The following PCDHAC1 variants were observed in gnomAD, a reference collection of about 807,000 sequenced individuals.
The protein encoded by PCDHAC1 is protocadherin alpha-C1.
A neutral mutation model predicts 60.0 loss-of-function variants in PCDHAC1; 42 were observed. That is an observed-to-expected ratio of 0.70 (90% CI 0.55 to 0.90). The LOEUF (loss-of-function observed/expected upper bound fraction) is 0.90. Among genes scored for constraint, PCDHAC1 ranks in the 40% least tolerant of loss-of-function variants. The pLI is 0.00. For synonymous variants in PCDHAC1, 468 were observed against 499.3 expected (o/e 0.94, Z 0.84); for missense variants, 1,160 against 1,222.3 (o/e 0.95, Z 0.76).
At chr5:140,980,494 A>T (rs868915196) in intron 2 of PCDHAC1, among the ~76,000 whole-genome samples, 1 of 152,106 alleles carries the variant, frequency 6.6e-6, no homozygotes, top group African/African-American at 2.4e-5. Context: ...GCTGGGCGTG[A>T]TGGCATGTGC....
chr5:140,996,262 C>G (rs943119390), intron 3 of PCDHAC1, among the ~76,000 whole-genome samples: 1 of 152,182 alleles, frequency 6.6e-6, no homozygotes. Flanking sequence ...CAACACAGAG[C>G]CTGGGATTGC....
intron 1 of PCDHAC1, among the ~76,000 whole-genome samples, chr5:140,942,439 A>C (rs1554214983): frequency 6.6e-6 from 1 of 152,200 alleles, no homozygotes; most frequent in Non-Finnish European, 1.5e-5. Context: ...AACAATAAAC[A>C]AGTAAACTAT....
chr5:140,968,081 G>A, intron 1 of PCDHAC1: 2 of 1,614,120 alleles, frequency 1.2e-6, no homozygotes, highest in Non-Finnish European at 1.7e-6. Context: ...CAACATCACG[G>A]TGACAGCCAC....
chr5:140,933,762 T>C (rs2089409260), intron 1 of PCDHAC1, among the ~76,000 whole-genome samples: 1 of 152,128 alleles, frequency 6.6e-6, no homozygotes, highest in African/African-American at 2.4e-5. Flanking sequence ...AGTGAAGCTC[T>C]CTGTACCTAC....
At position 141,010,091 on chromosome 5, in the gene PCDHAC1, A is replaced by G; in HGVS notation, c.*154A>G. The G allele has an allele frequency of 6.2e-7, 1 of 1,612,860 alleles. No individual in the cohort carries two copies. The highest frequency in any genetic ancestry group is 8.5e-7 in the Non-Finnish European group (1 of 1,179,382). ...AGTTCCCTGTGTCTGTCTAGAACGCATTTAACAGGTTTTGTCGTAAAAGCT... is the reference window on the plus strand; with the variant it reads ...AGTTCCCTGTGTCTGTCTAGAACGCGTTTAACAGGTTTTGTCGTAAAAGCT... On this transcript the variant is annotated 3_prime_UTR_variant, in exon 4 of 4. Coordinates refer to ENST00000253807, the MANE Select transcript of PCDHAC1 (RefSeq NM_018898.5).
At chr5:140,976,697 T>C (rs2096727777) in intron 1 of PCDHAC1, among the ~76,000 whole-genome samples, 1 of 152,224 alleles carries the variant, frequency 6.6e-6, no homozygotes, top group Non-Finnish European at 1.5e-5. Context: ...AGTACAATAA[T>C]GTTGACTTTG....
intron 3 of PCDHAC1, among the ~76,000 whole-genome samples, chr5:140,997,260 T>G (rs1364203100): frequency 6.6e-6 from 1 of 152,196 alleles, no homozygotes; most frequent in Admixed American, 6.5e-5. Flanking sequence ...GGTTCACTCT[T>G]CCAAATATTT....
intron 3 of PCDHAC1, among the ~76,000 whole-genome samples, chr5:140,999,519 G>A (rs1303009823): frequency 6.6e-6 from 1 of 152,074 alleles, no homozygotes; most frequent in Non-Finnish European, 1.5e-5. Context: ...TAAGCATTTT[G>A]TTACCCCCTG....
intron 1 of PCDHAC1, among the ~76,000 whole-genome samples, chr5:140,976,370 G>A (rs1392898202): frequency 6.6e-6 from 1 of 152,018 alleles, no homozygotes; most frequent in Non-Finnish European, 1.5e-5. Context: ...GGCCAACATG[G>A]TGAAACCCCA....
chr5:140,928,999 G>C lies in PCDHAC1; in HGVS notation c.2107G>C (p.Val703Leu). Residue 703 changes from valine (V) to leucine (L), a missense_variant, in exon 1 of 4, where the codon GTG becomes CTG. This residue lies in a region of PCDHAC1 where 1,113 missense variants were observed against 1,163.7 expected (regional missense o/e 0.96). Coordinates refer to ENST00000253807, the MANE Select transcript of PCDHAC1 (RefSeq NM_018898.5). ...FLFLGCLLFFVCTKLHQSPGC... is the reference protein window; with the variant it reads ...FLFLGCLLFFLCTKLHQSPGC... ...ATTTCTGGGGTGCTTACTTTTCTTC[G>C]TGTGTACCAAGTTGCACCAGAGCCC... 2 of 1,613,936 alleles carry C rather than the reference G, an allele frequency of 1.2e-6. No individual in the cohort carries two copies. The highest frequency in any genetic ancestry group is 1.7e-6 in the Non-Finnish European group (2 of 1,179,968).
rs1285443769 is a variant in PCDHAC1, at chr5:141,010,273, G to A, written c.*336G>A. 3.9e-6 allele frequency: 6 copies of A among 1,551,420 alleles called. No individual in the cohort carries two copies. The African/African-American group carries it at 8.2e-5, about 21-fold the overall frequency. Reference sequence around the variant, plus strand: ...CTCTGCCCTGTGCTCCGGGGATCCTGTCTTGATGACACTTGCAGGGCAGGC... The same window carrying A: ...CTCTGCCCTGTGCTCCGGGGATCCTATCTTGATGACACTTGCAGGGCAGGC... On this transcript the variant is annotated 3_prime_UTR_variant, in exon 4 of 4. Coordinates refer to ENST00000253807, the MANE Select transcript of PCDHAC1 (RefSeq NM_018898.5).
At chr5:140,933,721 C>T (rs957167505) in intron 1 of PCDHAC1, among the ~76,000 whole-genome samples, 1 of 151,982 alleles carries the variant, frequency 6.6e-6, no homozygotes, top group African/African-American at 2.4e-5. Flanking sequence ...ATTGGTGATA[C>T]AGCTTTCTTA....
At chr5:140,973,782 C>CT (rs1461331270) in intron 1 of PCDHAC1, among the ~76,000 whole-genome samples, 7 of 152,208 alleles carry the variant, frequency 4.6e-5, no homozygotes, top group African/African-American at 1.7e-4. Flanking sequence ...TATAGGTTGC[C>CT]TATTGGCATG....
intron 1 of PCDHAC1, among the ~76,000 whole-genome samples, chr5:140,951,543 C>A (rs246041): frequency 1.3e-5 from 2 of 151,428 alleles, no homozygotes; most frequent in South Asian, 2.1e-4. Flanking sequence ...GAGCAAGGGA[C>A]GGGGGGAAGT....
chr5:140,987,579 G>A (rs1587244490), intron 3 of PCDHAC1, among the ~76,000 whole-genome samples: 1 of 152,280 alleles, frequency 6.6e-6, no homozygotes, highest in East Asian at 1.9e-4. Flanking sequence ...TCTATAAAAT[G>A]GGGAGAATAG....
intron 3 of PCDHAC1, among the ~76,000 whole-genome samples, chr5:141,009,289 T>C (rs1474871800): frequency 1.4e-4 from 22 of 152,136 alleles, no homozygotes; most frequent in African/African-American, 5.1e-4. Context: ...ATCCCATTTC[T>C]ATAAAATTTT....
intron 3 of PCDHAC1, among the ~76,000 whole-genome samples, chr5:141,004,523 A>G (rs934216851): frequency 3.3e-5 from 5 of 152,232 alleles, no homozygotes; most frequent in Admixed American, 2.0e-4. Flanking sequence ...CTCTGCCAAT[A>G]CACACAGCCA....
rs191251073 is a variant in PCDHAC1, at chr5:140,928,748, G to A, written c.1856G>A (p.Arg619His). 503 of 1,614,114 alleles carry A rather than the reference G, an allele frequency of 3.1e-4. 5 individuals carry two copies. The East Asian group carries it at 1.0e-2, about 32-fold the overall frequency. Reference sequence around the variant, plus strand: ...ATTTCAGCCAATATAGGTGAGCTCCGTACTGCTCGCTTAGTTCTTCCCACT... The same window carrying A: ...ATTTCAGCCAATATAGGTGAGCTCCATACTGCTCGCTTAGTTCTTCCCACT... ...FRISANIGEL[R>H]TARLVLPTDA... The change falls in exon 1 of 4, where the codon CGT (arginine) becomes CAT (histidine). Residue 619 changes from arginine to histidine, a missense_variant. Transcript: ENST00000253807.
intron 3 of PCDHAC1, among the ~76,000 whole-genome samples, chr5:140,993,344 A>G (rs1379621962): frequency 1.3e-5 from 2 of 152,022 alleles, no homozygotes; most frequent in Admixed American, 6.6e-5. Context: ...GAAGGGCACT[A>G]CGAAGATCCT....
Sources: gnomAD v4.1 joint callset for allele counts (sites outside exome capture counted in the v4.1 genomes callset) on GRCh38, gnomAD v4.1.1 for gene constraint, gnomAD v4.1.1 regional missense constraint, MANE v1.5 for transcripts, NCBI Gene and HGNC (gene_info 2026-07-23, HGNC 2026-07-21) for gene names.